The following ATP2A2 variants were observed in gnomAD, a reference collection of about 807,000 sequenced individuals.
The protein encoded by ATP2A2 is sarcoplasmic/endoplasmic reticulum calcium ATPase 2.
ATP2A2 carries 14 observed loss-of-function variants against 109.3 expected under a neutral mutation model. The ratio of observed to expected loss-of-function variants is 0.13; its 90% CI spans 0.08 to 0.20. The LOEUF (loss-of-function observed/expected upper bound fraction) is 0.20, where lower values mean the gene tolerates loss of function less well. Among genes scored for constraint, ATP2A2 ranks in the 10% least tolerant of loss-of-function variants. The probability of loss-of-function intolerance (pLI) is 1.00; values close to 1 mark genes in which losing one functional copy is unlikely to be tolerated. For missense variants in ATP2A2, 657 were observed against 1,321.6 expected (o/e 0.50, Z 7.80); for synonymous variants, 506 against 490.9 (o/e 1.03, Z -0.41).
intron 14 of ATP2A2, among the ~76,000 whole-genome samples, chr12:110,341,198 A>T (rs1273064920): frequency 6.6e-6 from 1 of 152,078 alleles, no homozygotes; most frequent in Non-Finnish European, 1.5e-5. Context: ...TAAAACCCAG[A>T]AGGGCCTTCC....
At chr12:110,301,289 CTG>C (rs1054412853) in intron 5 of ATP2A2, among the ~76,000 whole-genome samples, 12 of 152,206 alleles carry the variant, frequency 7.9e-5, no homozygotes, top group Non-Finnish European at 1.6e-4. Context: ...GAAACTACAA[CTG>C]TGATACCTCA....
chr12:110,335,995 C>G (rs1001516580), intron 11 of ATP2A2, among the ~76,000 whole-genome samples: 2 of 152,238 alleles, frequency 1.3e-5, no homozygotes, highest in African/African-American at 4.8e-5. Context: ...AGTCCAGGGT[C>G]TGCACAGCCA....
At position 110,292,116 on chromosome 12, in the gene ATP2A2, G is replaced by A. The variant is rs1313818402; in HGVS notation, c.316G>A (p.Val106Ile). The A allele has an allele frequency of 5.0e-6, 8 of 1,613,598 alleles. No homozygotes were observed. In the East Asian group the frequency reaches 1.6e-4, roughly 31 times the overall value. ...LILVANAIVG[V>I]WQERNAENAI... ...ATTAGTAGCCAATGCAATTGTGGGTGTATGGCAGGTAAGCAAAAATTCCTG... is the reference window on the plus strand; with the variant it reads ...ATTAGTAGCCAATGCAATTGTGGGTATATGGCAGGTAAGCAAAAATTCCTG... Residue 106 changes from valine to isoleucine, a missense_variant, in exon 4 of 20, where the codon GTA (valine) becomes ATA (isoleucine). By Grantham distance (29) the Val-to-Ile change is conservative. This residue lies in a region of ATP2A2 where 136 missense variants were observed against 343.9 expected (regional missense o/e 0.40). Transcript: ENST00000539276.
rs1592845302 is a variant in ATP2A2, at chr12:110,327,455, T to G, written c.631-98T>G. 1 of 1,076,322 alleles carries G rather than the reference T, an allele frequency of 9.3e-7. No individual in the cohort carries two copies. The highest frequency in any genetic ancestry group is 2.4e-5 in the East Asian group (1 of 42,486). 66.7% of individuals were successfully genotyped at this position (1,076,322 alleles called of 1,614,324 possible). ...GTAGCCAGTGGAAGACCTAGTAGAA[T>G]GTGTAGAGAATCTGGGTGCCCTAGT... is the stretch of plus-strand genomic sequence containing the variant. On this transcript the variant is annotated intron_variant, in intron 7 of 19. Coordinates refer to ENST00000539276, the MANE Select transcript of ATP2A2 (RefSeq NM_170665.4). The surrounding 1 kb of genome is among the most constrained non-coding windows in gnomAD (Gnocchi z 4.4).
At chr12:110,287,654 G>A (rs1872799990) in intron 3 of ATP2A2, among the ~76,000 whole-genome samples, 1 of 152,154 alleles carries the variant, frequency 6.6e-6, no homozygotes, top group East Asian at 1.9e-4. Context: ...CTGCTCTGTC[G>A]CCCAGATTGG....
rs145883061 is a variant in ATP2A2, at chr12:110,348,344, G to C, written c.*1874G>C. Reference sequence around the variant, plus strand: ...GATGTTAAAGCACAGTTAGTAGGACGTGGCTCTGCACAGCCCAAAAACCAG... The same window carrying C: ...GATGTTAAAGCACAGTTAGTAGGACCTGGCTCTGCACAGCCCAAAAACCAG... On this transcript the variant is annotated 3_prime_UTR_variant, in exon 20 of 20. Coordinates refer to ENST00000539276, the MANE Select transcript of ATP2A2 (RefSeq NM_170665.4). The C allele has an allele frequency of 2.1e-5, 21 of 985,172 alleles. No homozygotes were observed. The highest frequency in any genetic ancestry group is 2.4e-5 in the Non-Finnish European group (20 of 829,938). 61.0% of individuals were successfully genotyped at this position (985,172 alleles called of 1,614,324 possible).
intron 5 of ATP2A2, among the ~76,000 whole-genome samples, chr12:110,297,501 C>T (rs180805392): frequency 1.3e-5 from 2 of 152,036 alleles, no homozygotes; most frequent in African/African-American, 4.8e-5. Context: ...GGAGTCTCTG[C>T]CTGAATTCCA....
intron 6 of ATP2A2, among the ~76,000 whole-genome samples, chr12:110,325,387 A>G (rs890390583): frequency 2.0e-5 from 3 of 151,434 alleles, no homozygotes; most frequent in African/African-American, 7.3e-5. Context: ...TAATCCCAGC[A>G]CTTTGGGAGG....
chr12:110,349,949 C>G lies in ATP2A2; in HGVS notation c.*3479C>G, dbSNP rs911921802. The G allele has an allele frequency of 4.1e-6, 5 of 1,209,826 alleles. No individual in the cohort carries two copies. In the African/African-American group the frequency reaches 7.7e-5, roughly 19 times the overall value. The allele number at this position is 1,209,826 out of a possible 1,614,324, so 74.9% of individuals were successfully genotyped here. The stretch of plus-strand genomic sequence containing the variant: ...TGGCTGCTCACTTCTCCATCAACCT[C>G]ACCCTCTGCACCACTAACCAAGACC... On this transcript the variant is annotated 3_prime_UTR_variant, in exon 20 of 20. Transcript: ENST00000539276.
intron 3 of ATP2A2, among the ~76,000 whole-genome samples, chr12:110,290,125 C>T (rs957286973): frequency 1.3e-5 from 2 of 152,194 alleles, no homozygotes; most frequent in Admixed American, 6.6e-5. Context: ...AAATACACTT[C>T]GGATCTCCCA....
chr12:110,283,343 T>G (rs908109993), intron 3 of ATP2A2, among the ~76,000 whole-genome samples: 1 of 152,188 alleles, frequency 6.6e-6, no homozygotes, highest in African/African-American at 2.4e-5. Context: ...ATTGGACCCC[T>G]GTCTTAAGTG....
intron 18 of ATP2A2, 81 bp from the exon 19 acceptor site, chr12:110,345,920 G>A (rs1592868495): frequency 1.5e-6 from 2 of 1,364,508 alleles, no homozygotes; most frequent in East Asian, 4.6e-5. Flanking sequence ...TTACTGAAGT[G>A]TAGTCCAACA....
At chr12:110,304,554 G>A (rs1875052350) in intron 5 of ATP2A2, among the ~76,000 whole-genome samples, 1 of 152,120 alleles carries the variant, frequency 6.6e-6, no homozygotes, top group Non-Finnish European at 1.5e-5. Context: ...ATCTTTTCAT[G>A]TGGCTATTGT....
chr12:110,307,209 C>A (rs1002832685), intron 5 of ATP2A2, among the ~76,000 whole-genome samples: 2 of 148,572 alleles, frequency 1.3e-5, no homozygotes, highest in East Asian at 4.0e-4. Flanking sequence ...AGTGTTCCCC[C>A]CAGCCCCACC....
rs1311813600 is a variant in ATP2A2, at chr12:110,349,186, A to C, written c.*2716A>C. The C allele has an allele frequency of 9.1e-6, 9 of 985,362 alleles. No individual in the cohort carries two copies. The highest frequency in any genetic ancestry group is 3.6e-6 in the Non-Finnish European group (3 of 830,050). The allele number at this position is 985,362 out of a possible 1,614,324, so 61.0% of individuals were successfully genotyped here. On this transcript the variant is annotated 3_prime_UTR_variant, in exon 20 of 20. Coordinates refer to ENST00000539276, the MANE Select transcript of ATP2A2 (RefSeq NM_170665.4). ...TCACTGAAGGCTTTGCTGGGTGAAA[A>C]CACTTCAGCATCTCCTCCTCAGGTC...
intron 5 of ATP2A2, among the ~76,000 whole-genome samples, chr12:110,304,355 A>C (rs1367977404): frequency 1.3e-5 from 2 of 152,234 alleles, no homozygotes; most frequent in Non-Finnish European, 2.9e-5. Context: ...CATTTTGAGC[A>C]GCTACCAAAC....
At chr12:110,284,697 A>G (rs1872496653) in intron 3 of ATP2A2, among the ~76,000 whole-genome samples, 1 of 152,180 alleles carries the variant, frequency 6.6e-6, no homozygotes, top group Admixed American at 6.6e-5. Flanking sequence ...TTATAGAGCT[A>G]TATTTTGGAG....
chr12:110,320,580 A>C, intron 5 of ATP2A2, among the ~76,000 whole-genome samples: 1 of 152,210 alleles, frequency 6.6e-6, no homozygotes, highest in East Asian at 1.9e-4. Flanking sequence ...TAAAGTTTAG[A>C]ATATAGTTAC....
chr12:110,349,224 C>T lies in ATP2A2; in HGVS notation c.*2754C>T. On this transcript the variant is annotated 3_prime_UTR_variant, in exon 20 of 20. Coordinates refer to ENST00000539276, the MANE Select transcript of ATP2A2 (RefSeq NM_170665.4). ...TCCTCCTCAGGTCAACCCATAAAGA[C>T]CAGGTCCAGCACCGTGGTCTTGGCA... 5 of 985,574 alleles carry T rather than the reference C, an allele frequency of 5.1e-6. No individual in the cohort carries two copies. Among genetic ancestry groups the T allele is most frequent in the Non-Finnish European group, 6.0e-6 (5 of 830,016 alleles). The allele number at this position is 985,574 out of a possible 1,614,324, so 61.1% of individuals were successfully genotyped here. A position where few individuals can be genotyped will look rare whatever the true frequency, so the allele number is the denominator to read the frequency against.
Sources: gnomAD v4.1 joint callset for allele counts (sites outside exome capture counted in the v4.1 genomes callset) on GRCh38, gnomAD v4.1.1 for gene constraint, gnomAD v4.1.1 regional missense constraint, Gnocchi (gnomAD v3.1) non-coding constraint, MANE v1.5 for transcripts, NCBI Gene and HGNC (gene_info 2026-07-23, HGNC 2026-07-21) for gene names.